The following OR2L13 variants were observed in gnomAD, a reference collection of about 807,000 sequenced individuals.
OR2L13 encodes olfactory receptor 2L13.
Under a neutral mutation model 15.3 loss-of-function variants are expected in OR2L13, and 14 were observed. The ratio of observed to expected loss-of-function variants is 0.91; its 90% CI spans 0.60 to 1.43. OR2L13 has a LOEUF of 1.43. Ranked by LOEUF, OR2L13 falls within the 40% of genes most tolerant of loss-of-function variation. The pLI, the probability that OR2L13 is intolerant of heterozygous loss-of-function variation, is 0.00. For synonymous variants in OR2L13, 152 were observed against 142.9 expected (o/e 1.06, Z -0.45); for missense variants, 367 against 387.9 (o/e 0.95, Z 0.45).
At chr1:248,061,069 C>T in the OR2L13 span, 2 of 1,614,110 alleles carry the variant, frequency 1.2e-6, no homozygotes, top group Non-Finnish European at 8.5e-7. Flanking sequence ...CTTTCCTCTT[C>T]ACTATCCCAT....
the OR2L13 span, chr1:248,063,263 C>T: frequency 3.3e-5 from 5 of 152,192 alleles, no homozygotes; most frequent in African/African-American, 1.2e-4. Context: ...TTTTCTTTCA[C>T]CAGTGATTTG....
chr1:248,021,867 G>A, the OR2L13 span: 5 of 1,144,864 alleles, frequency 4.4e-6, no homozygotes, highest in Non-Finnish European at 6.3e-6. Context: ...GCCTTGGAAT[G>A]CAACCCCTGC....
At chr1:247,967,605 T>C in the OR2L13 span, among the ~76,000 whole-genome samples, 1 of 152,166 alleles carries the variant, frequency 6.6e-6, no homozygotes, top group Non-Finnish European at 1.5e-5. Flanking sequence ...GTATCAATAT[T>C]CCATTATTAA....
At chr1:248,029,809 G>T in the OR2L13 span, among the ~76,000 whole-genome samples, 1 of 151,924 alleles carries the variant, frequency 6.6e-6, no homozygotes, top group Non-Finnish European at 1.5e-5. Flanking sequence ...TTAGAAACAC[G>T]AAAACATTGA....
At chr1:247,993,762 G>GGAGA in the OR2L13 span, among the ~76,000 whole-genome samples, 4 of 53,666 alleles carry the variant, frequency 7.5e-5, no homozygotes, top group African/African-American at 2.5e-4. Context: ...AGAGAGAGGG[G>GGAGA]GAGAGAGAGA....
chr1:247,944,407 C>T, the OR2L13 span, among the ~76,000 whole-genome samples: 1 of 152,068 alleles, frequency 6.6e-6, no homozygotes, highest in East Asian at 1.9e-4. Flanking sequence ...AATTCATCAC[C>T]TAGGTGTTAG....
the OR2L13 span, chr1:248,041,903 G>T: frequency 6.6e-6 from 1 of 152,170 alleles, no homozygotes; most frequent in Non-Finnish European, 1.5e-5. Flanking sequence ...TTACACTGTT[G>T]TTGGGACTGT....
the OR2L13 span, among the ~76,000 whole-genome samples, chr1:247,978,345 G>A: frequency 5.9e-5 from 9 of 152,166 alleles, no homozygotes; most frequent in Admixed American, 5.9e-4. Context: ...ACCCGTGGGC[G>A]TGTAACAATC....
the OR2L13 span, among the ~76,000 whole-genome samples, chr1:248,036,987 GA>G: frequency 6.6e-6 from 1 of 152,132 alleles, no homozygotes; most frequent in Admixed American, 6.5e-5. Flanking sequence ...CGTATACGGG[GA>G]GAGCTTGAGC....
At chr1:248,097,697 G>A (rs1161045090) in intron 1 of OR2L13, among the ~76,000 whole-genome samples, 2 of 152,148 alleles carry the variant, frequency 1.3e-5, no homozygotes, top group Non-Finnish European at 2.9e-5. Context: ...CTACACCCAA[G>A]TCAGCTTGTT....
At chr1:248,030,543 A>G in the OR2L13 span, among the ~76,000 whole-genome samples, 1 of 152,190 alleles carries the variant, frequency 6.6e-6, no homozygotes, top group Non-Finnish European at 1.5e-5. Context: ...AAGAACCCAC[A>G]TTCACAATAA....
chr1:248,055,403 T>A, the OR2L13 span, among the ~76,000 whole-genome samples: 1 of 151,182 alleles, frequency 6.6e-6, no homozygotes, highest in Non-Finnish European at 1.5e-5. Context: ...AAAGTTTTCT[T>A]TTTTTTTTGT....
the OR2L13 span, among the ~76,000 whole-genome samples, chr1:248,001,774 G>A: frequency 6.6e-6 from 1 of 151,988 alleles, no homozygotes; most frequent in Admixed American, 6.6e-5. Flanking sequence ...ATAATAAAAA[G>A]ATGATACATT....
the OR2L13 span, among the ~76,000 whole-genome samples, chr1:248,015,073 G>T: frequency 6.6e-6 from 1 of 152,066 alleles, no homozygotes; most frequent in African/African-American, 2.4e-5. Flanking sequence ...GACCTCAATG[G>T]TAGGTTGTGA....
chr1:248,024,301 A>G, the OR2L13 span: 1 of 152,164 alleles, frequency 6.6e-6, no homozygotes, highest in African/African-American at 2.4e-5. Flanking sequence ...TTTTAATATT[A>G]TGTGTTTAAA....
chr1:248,065,717 G>C, the OR2L13 span, among the ~76,000 whole-genome samples: 2 of 151,682 alleles, frequency 1.3e-5, no homozygotes, highest in South Asian at 2.1e-4. Context: ...AGTTTACTGA[G>C]AATGATGATT....
At chr1:248,021,323 A>G in the OR2L13 span, among the ~76,000 whole-genome samples, 2 of 152,184 alleles carry the variant, frequency 1.3e-5, no homozygotes, top group Non-Finnish European at 2.9e-5. Context: ...GTCATCTAAG[A>G]GTTATAAAGT....
the OR2L13 span, chr1:247,990,276 T>A: frequency 0.066 from 62,141 of 947,314 alleles, 2,603 homozygotes; most frequent in East Asian, 0.17. Context: ...CATGGAAAAT[T>A]ACAATCAAAC....
the OR2L13 span, among the ~76,000 whole-genome samples, chr1:248,000,906 A>G: frequency 6.6e-6 from 1 of 152,116 alleles, no homozygotes; most frequent in South Asian, 2.1e-4. Context: ...TACCACTTAT[A>G]TGGAGTTTTT....
Sources: gnomAD v4.1 joint callset for allele counts (sites outside exome capture counted in the v4.1 genomes callset) on GRCh38, gnomAD v4.1.1 for gene constraint, MANE v1.5 for transcripts, NCBI Gene and HGNC (gene_info 2026-07-23, HGNC 2026-07-21) for gene names.